The following TSC1 variants were observed in gnomAD, a reference collection of about 807,000 sequenced individuals.
The protein encoded by TSC1 is hamartin.
In TSC1, 20 loss-of-function variants were observed where a neutral mutation model predicts 124.3. The observed-to-expected ratio is 0.16, with a 90% CI of 0.11 to 0.23. TSC1 has a LOEUF of 0.23. Among genes scored for constraint, TSC1 ranks in the 10% least tolerant of loss-of-function variants. The probability of loss-of-function intolerance (pLI) is 1.00; values close to 1 mark genes in which losing one functional copy is unlikely to be tolerated. For missense variants in TSC1, 1,124 were observed against 1,448.5 expected, an observed-to-expected ratio of 0.78 and a Z score of 3.64; for synonymous variants, 493 against 539.1, an observed-to-expected ratio of 0.91 and a Z score of 1.19.
At position 132,906,413 on chromosome 9, in the gene TSC1, G is replaced by A. The variant is rs1050985157; in HGVS notation, c.1439-274C>T. 1.8e-5 allele frequency: 10 copies of A among 543,246 alleles called. No individual in the cohort carries two copies. Among genetic ancestry groups the A allele is most frequent in the East Asian group, 3.3e-5 (1 of 30,110 alleles). 33.7% of individuals were successfully genotyped at this position (543,246 alleles called of 1,614,324 possible). On this transcript the variant is annotated intron_variant, in intron 14 of 22. Transcript: ENST00000298552. The surrounding 1 kb of genome is among the most constrained non-coding windows in gnomAD (Gnocchi z 4.1). ...ATACAATAAAAATCAGCTGAGCATCGTGGTGTATGCCTGTGGTCCCAGCTA... is the reference window on the plus strand; with the variant it reads ...ATACAATAAAAATCAGCTGAGCATCATGGTGTATGCCTGTGGTCCCAGCTA...
At chr9:132,934,806 G>A (rs781679331) in intron 2 of TSC1, among the ~76,000 whole-genome samples, 4 of 152,240 alleles carry the variant, frequency 2.6e-5, no homozygotes, top group African/African-American at 9.6e-5. Flanking sequence ...CACCAAAAGC[G>A]TGGCTGTGAA....
chr9:132,923,617 C>T lies in TSC1; in HGVS notation c.364-125G>A. On this transcript the variant is annotated intron_variant, in intron 5 of 22. Transcript: ENST00000298552. This position sits in a 1 kb window ranked among gnomAD's most constrained non-coding sequence, Gnocchi z 4.2. ...CAAATCACAAGTTGACTCACGTACT[C>T]ATTTCCCTATCCCTAAGGATTACTG... 2 of 1,330,706 alleles carry T rather than the reference C, an allele frequency of 1.5e-6. No individual in the cohort carries two copies. Among genetic ancestry groups the T allele is most frequent in the East Asian group, 2.4e-5 (1 of 42,264 alleles). The allele number at this position is 1,330,706 out of a possible 1,614,324, so 82.4% of individuals were successfully genotyped here. A position where few individuals can be genotyped will look rare whatever the true frequency, so the allele number is the denominator to read the frequency against.
intron 8 of TSC1, among the ~76,000 whole-genome samples, chr9:132,917,270 A>G (rs1437338871): frequency 1.3e-5 from 2 of 151,946 alleles, no homozygotes; most frequent in East Asian, 3.9e-4. Context: ...ATATCCTTCA[A>G]TCCTAGGATT....
chr9:132,908,158 T>C (rs1393882519), intron 12 of TSC1, among the ~76,000 whole-genome samples: 2 of 152,206 alleles, frequency 1.3e-5, no homozygotes, highest in Non-Finnish European at 2.9e-5. Flanking sequence ...ATAATTATTA[T>C]ATTAGAAAAC....
At position 132,906,986 on chromosome 9, in the gene TSC1, A is replaced by T. The variant is rs557608275; in HGVS notation, c.1334-151T>A. On this transcript the variant is annotated intron_variant, in intron 13 of 22. Transcript: ENST00000298552. This position sits in a 1 kb window ranked among gnomAD's most constrained non-coding sequence, Gnocchi z 4.1. Reference sequence around the variant, plus strand: ...TGGCTCTGTCCTGGGGATACTACAAAAGACTGAAATATTAAAAATAATATA... The same window carrying T: ...TGGCTCTGTCCTGGGGATACTACAATAGACTGAAATATTAAAAATAATATA... The T allele has an allele frequency of 2.3e-4, 161 of 694,614 alleles. No homozygotes were observed. The highest frequency in any genetic ancestry group is 1.1e-3 in the Middle Eastern group (4 of 3,682). 43.0% of individuals were successfully genotyped at this position (694,614 alleles called of 1,614,324 possible).
In TSC1 at chr9:132,902,807, T is replaced by C. The variant is rs2131742694; in HGVS notation, c.2209-20A>G. On this transcript the variant is annotated intron_variant, in intron 17 of 22. Transcript: ENST00000298552. The surrounding 1 kb of genome is among the most constrained non-coding windows in gnomAD (Gnocchi z 5.2). ...ATCTTTCTAGCAGAGACCAGAAATG[T>C]CATCATTTTAGCTGTCTTCCAACAC... is the stretch of plus-strand genomic sequence containing the variant. 2 of 1,612,718 alleles carry C rather than the reference T, an allele frequency of 1.2e-6. No homozygotes were observed. The highest frequency in any genetic ancestry group is 1.7e-6 in the Non-Finnish European group (2 of 1,179,970).
chr9:132,907,877 A>G (rs140204757), intron 12 of TSC1, among the ~76,000 whole-genome samples: 56 of 152,360 alleles, frequency 3.7e-4, no homozygotes, highest in African/African-American at 1.3e-3. Context: ...CCTTGAGCTC[A>G]GCAGTTTGAG....
chr9:132,910,763 G>A, intron 11 of TSC1, 71 bp from the exon 12 acceptor site: 1 of 1,599,358 alleles, frequency 6.3e-7, no homozygotes, highest in East Asian at 2.2e-5. Context: ...TTTTTTTTCA[G>A]CCTATAACTA....
chr9:132,907,788 CT>C (rs952537059), intron 12 of TSC1, among the ~76,000 whole-genome samples: 6 of 152,120 alleles, frequency 3.9e-5, no homozygotes, highest in African/African-American at 1.4e-4. Context: ...TCTTTATAGT[CT>C]TAAAAAATGG....
rs1019607866 is a variant in TSC1, at chr9:132,907,428, G to A, written c.1264-58C>T. 32 of 1,385,892 alleles carry A rather than the reference G, an allele frequency of 2.3e-5. 1 individual carries two copies. Among genetic ancestry groups the A allele is most frequent in the Non-Finnish European group, 3.1e-5 (30 of 973,052 alleles). 85.8% of individuals were successfully genotyped at this position (1,385,892 alleles called of 1,614,324 possible). ...CGAAAAATGTTGCACATGTTCTCGAGCATATTGTAAAGTAGTTTAAAGGTC... is the reference window on the plus strand; with the variant it reads ...CGAAAAATGTTGCACATGTTCTCGAACATATTGTAAAGTAGTTTAAAGGTC... On this transcript the variant is annotated intron_variant, in intron 12 of 22. Coordinates refer to ENST00000298552, the MANE Select transcript of TSC1 (RefSeq NM_000368.5).
At chr9:132,912,493 G>A (rs773749458) in intron 8 of TSC1, 36 bp from the exon 9 acceptor site, 3 of 1,611,904 alleles carry the variant, frequency 1.9e-6, no homozygotes, top group Non-Finnish European at 1.7e-6. Flanking sequence ...AATGCAAACT[G>A]TAATCAACTG....
chr9:132,929,918 A>G (rs1255065081), intron 2 of TSC1, among the ~76,000 whole-genome samples: 1 of 152,186 alleles, frequency 6.6e-6, no homozygotes, highest in Non-Finnish European at 1.5e-5. Context: ...CCCGACTCCA[A>G]AGCCCCAAGC....
In TSC1 at chr9:132,912,312, T is replaced by A. The variant is rs1588326679; in HGVS notation, c.883A>T (p.Ser295Cys). 1.9e-6 allele frequency: 3 copies of A among 1,614,180 alleles called. No homozygotes were observed. The highest frequency in any genetic ancestry group is 2.5e-6 in the Non-Finnish European group (3 of 1,180,038). Reference sequence around the variant, plus strand: ...CTATTCTGTGTGTCAGCATAAGGGCTGGTGGTGACATCGGCTGAACGATGA... The same window carrying A: ...CTATTCTGTGTGTCAGCATAAGGGCAGGTGGTGACATCGGCTGAACGATGA... ...FPHRSADVTT[S>C]PYADTQNSYG... The change falls in exon 9 of 23, where the codon AGC becomes TGC. Residue 295 changes from serine (S) to cysteine (C), a missense_variant. Coordinates refer to ENST00000298552, the MANE Select transcript of TSC1 (RefSeq NM_000368.5).
intron 12 of TSC1, among the ~76,000 whole-genome samples, chr9:132,908,164 A>C (rs1403738246): frequency 6.6e-6 from 1 of 152,250 alleles, no homozygotes; most frequent in South Asian, 2.1e-4. Flanking sequence ...ATTATATTAG[A>C]AAACCAGGAA....
At chr9:132,910,185 C>T in intron 12 of TSC1, 2 of 428,156 alleles carry the variant, frequency 4.7e-6, no homozygotes, top group Non-Finnish European at 8.3e-6. Flanking sequence ...CCTGTAGTCC[C>T]AGCTACTAGC....
rs1844786072 is a variant in TSC1, at chr9:132,891,877, A to C, written c.*4358T>G. On this transcript the variant is annotated 3_prime_UTR_variant, in exon 23 of 23. Transcript: ENST00000298552. The stretch of plus-strand genomic sequence containing the variant: ...AACACTGTAAGAGGTGGGGAAAGGG[A>C]GGGAAGGGTTGGTCTGGGGGTTCTC... 8.6e-6 allele frequency: 2 copies of C among 233,436 alleles called. No homozygotes were observed. Among genetic ancestry groups the C allele is most frequent in the Non-Finnish European group, 1.7e-5 (2 of 117,966 alleles). The allele number at this position is 233,436 out of a possible 1,614,324, so 14.5% of individuals were successfully genotyped here. A position where few individuals can be genotyped will look rare whatever the true frequency, so the allele number is the denominator to read the frequency against.
At chr9:132,935,692 C>G (rs1030350661) in intron 1 of TSC1, among the ~76,000 whole-genome samples, 1 of 152,146 alleles carries the variant, frequency 6.6e-6, no homozygotes, top group Non-Finnish European at 1.5e-5. Context: ...CAGTCCTCAC[C>G]CCTCCCCAAC....
At chr9:132,925,566 A>G (rs749940081) in intron 5 of TSC1, 21 bp downstream of exon 5, 3 of 1,614,082 alleles carry the variant, frequency 1.9e-6, no homozygotes, top group Non-Finnish European at 2.5e-6. Flanking sequence ...CATTTCATTC[A>G]AATCCTTACA....
chr9:132,905,834 T>C lies in TSC1; in HGVS notation c.1744A>G (p.Thr582Ala), dbSNP rs1564481573. Residue 582 changes from threonine (T) to alanine (A), a missense_variant, in exon 15 of 23, where the codon ACT becomes GCT. By Grantham distance (58) the Thr-to-Ala change is moderately conservative. Transcript: ENST00000298552. ...CQTSLETSIF[T>A]PSPCKIPPPT... ...GGTGGAATTTTACAAGGACTGGGAG[T>C]GAAGATACTGGTCTCCAAAGAAGTC... 3 of 1,613,786 alleles carry C rather than the reference T, an allele frequency of 1.9e-6. No individual in the cohort carries two copies. The highest frequency in any genetic ancestry group is 1.7e-6 in the Non-Finnish European group (2 of 1,179,882).
Sources: allele counts gnomAD v4.1 joint callset (sites outside exome capture counted in the v4.1 genomes callset), GRCh38; gene constraint gnomAD v4.1.1; non-coding constraint Gnocchi (gnomAD v3.1); transcripts MANE v1.5; gene names NCBI Gene and HGNC (gene_info 2026-07-23, HGNC 2026-07-21).